SPOCK1: variants seen among roughly 807,000 people sequenced by gnomAD.
The protein encoded by SPOCK1 is SPARC (osteonectin), cwcv and kazal like domains proteoglycan 1, also known as testican-1.
SPOCK1 carries 23 observed loss-of-function variants against 55.3 expected under a neutral mutation model. That is an observed-to-expected ratio of 0.42 (90% CI 0.30 to 0.59). The LOEUF (loss-of-function observed/expected upper bound fraction) is 0.59. Ranked by LOEUF, SPOCK1 falls within the 20% of genes least tolerant of loss-of-function variation. SPOCK1 has a pLI of 0.22. For synonymous variants in SPOCK1, 226 were observed against 221.0 expected (o/e 1.02, Z -0.20); for missense variants, 499 against 552.5 (o/e 0.90, Z 0.97).
At chr5:137,021,921 A>C (rs756217376) in intron 6 of SPOCK1, among the ~76,000 whole-genome samples, 6 of 152,240 alleles carry the variant, frequency 3.9e-5, no homozygotes, top group Non-Finnish European at 7.3e-5. Flanking sequence ...TGCTTGATGC[A>C]GAAGTTTTAG....
intron 2 of SPOCK1, among the ~76,000 whole-genome samples, chr5:137,412,032 G>A (rs1223922311): frequency 2.6e-5 from 4 of 152,254 alleles, no homozygotes; most frequent in East Asian, 1.9e-4. Flanking sequence ...CAGAGCCCTC[G>A]GACTCCAGAT....
chr5:136,990,554 C>CT lies in SPOCK1; in HGVS notation c.707-1912dup, dbSNP rs1346340300. ...CACATTTTAAAATACCCACCCCCCTCTTTTTTTTTTTCCAGAAGAGAGGCT... is the reference window on the plus strand; with the variant it reads ...CACATTTTAAAATACCCACCCCCCTCTTTTTTTTTTTTCCAGAAGAGAGGCT... On this transcript the variant is annotated intron_variant, in intron 7 of 10. Transcript: ENST00000394945. Among the ~76,000 whole-genome samples, 566 of 146,012 alleles carry CT rather than the reference C, an allele frequency of 3.9e-3. 3 individuals are homozygous for CT. Among genetic ancestry groups the CT allele is most frequent in the African/African-American group, 0.011 (449 of 40,224 alleles).
chr5:137,335,756 G>T (rs961604035), intron 2 of SPOCK1, among the ~76,000 whole-genome samples: 5 of 152,198 alleles, frequency 3.3e-5, no homozygotes, highest in African/African-American at 4.8e-5. Context: ...TAATTAACTT[G>T]CATATTGCAT....
At chr5:137,079,091 G>A (rs1435489236) in intron 5 of SPOCK1, among the ~76,000 whole-genome samples, 1 of 152,118 alleles carries the variant, frequency 6.6e-6, no homozygotes, top group Non-Finnish European at 1.5e-5. Context: ...GCTTTGCTTT[G>A]TCTACAGCTC....
At chr5:137,033,981 C>T (rs1751832193) in intron 6 of SPOCK1, among the ~76,000 whole-genome samples, 1 of 152,192 alleles carries the variant, frequency 6.6e-6, no homozygotes, top group Admixed American at 6.5e-5. Flanking sequence ...TCCATGTCTC[C>T]CACTAAACTG....
intron 2 of SPOCK1, among the ~76,000 whole-genome samples, chr5:137,319,322 G>A (rs1190572158): frequency 6.6e-6 from 1 of 152,158 alleles, no homozygotes; most frequent in Non-Finnish European, 1.5e-5. Context: ...TGATTTACAA[G>A]CAATGCTCCA....
At chr5:137,377,942 C>CTTTTTTTTT (rs3043282) in intron 2 of SPOCK1, among the ~76,000 whole-genome samples, 1 of 104,618 alleles carries the variant, frequency 9.6e-6, no homozygotes, top group Non-Finnish European at 1.8e-5. Context: ...TCACTTCTTC[C>CTTTTTTTTT]TTTTTTTTTT....
At position 137,217,944 on chromosome 5, in the gene SPOCK1, G is replaced by C. The variant is rs141222288; in HGVS notation, c.232+49066C>G. ...ACTATCTTACTTACCCAACCTTACC[G>C]CATCTATATTTCTACATAGGTATAG... On this transcript the variant is annotated intron_variant, in intron 3 of 10. Transcript: ENST00000394945. 3.6e-3 allele frequency among the ~76,000 whole-genome samples: 542 copies of C among 150,382 alleles called. 5 individuals are homozygous for C. Among genetic ancestry groups the C allele is most frequent in the African/African-American group, 0.012 (497 of 39,826 alleles).
chr5:137,221,351 T>C (rs2127087786), intron 3 of SPOCK1, among the ~76,000 whole-genome samples: 1 of 152,278 alleles, frequency 6.6e-6, no homozygotes, highest in East Asian at 1.9e-4. Flanking sequence ...AAAAAAGCAC[T>C]CGAAGAGACA....
At chr5:137,155,054 T>C (rs561548473) in intron 3 of SPOCK1, among the ~76,000 whole-genome samples, 27 of 152,304 alleles carry the variant, frequency 1.8e-4, no homozygotes, top group African/African-American at 6.0e-4. Flanking sequence ...CTCCCTGATA[T>C]GGTGGTCAGG....
intron 6 of SPOCK1, among the ~76,000 whole-genome samples, chr5:137,003,025 T>C (rs1472932188): frequency 1.3e-5 from 2 of 152,160 alleles, no homozygotes; most frequent in African/African-American, 4.8e-5. Flanking sequence ...TTAGAAATAA[T>C]GAGGAGCCCA....
chr5:136,986,026 A>G (rs1750834591), intron 8 of SPOCK1, among the ~76,000 whole-genome samples: 2 of 152,102 alleles, frequency 1.3e-5, no homozygotes, highest in African/African-American at 4.8e-5. Flanking sequence ...ACTTGCATAT[A>G]AAGTATCTAA....
chr5:137,340,240 A>G (rs902697647), intron 2 of SPOCK1, among the ~76,000 whole-genome samples: 1 of 152,182 alleles, frequency 6.6e-6, no homozygotes, highest in Non-Finnish European at 1.5e-5. Context: ...GCCCTCTTCC[A>G]CTGCACAGGT....
At position 137,498,354 on chromosome 5, in the gene SPOCK1, G is replaced by A. The variant is rs946542444; in HGVS notation, c.186+19C>T. The A allele has an allele frequency of 2.6e-6, 4 of 1,565,404 alleles. No individual in the cohort carries two copies. Among genetic ancestry groups the A allele is most frequent in the Non-Finnish European group, 3.5e-6 (4 of 1,156,588 alleles). ...GAGAGGCTCCGCGCCCCCCAGGGCCGGGTGGCGCCGGTACTCACGTCTCGA... is the reference window on the plus strand; with the variant it reads ...GAGAGGCTCCGCGCCCCCCAGGGCCAGGTGGCGCCGGTACTCACGTCTCGA... On this transcript the variant is annotated intron_variant, in intron 2 of 10. Coordinates refer to ENST00000394945, the MANE Select transcript of SPOCK1 (RefSeq NM_004598.4).
rs540464097 is a variant in SPOCK1, at chr5:137,026,817, A to C, written c.590-34217T>G. ...ACATTCACAGGAAACAAAAAGGAAC[A>C]GCAGGCTGGATGGCTTGGTGGACTT... On this transcript the variant is annotated intron_variant, in intron 6 of 10. Transcript: ENST00000394945. Among the ~76,000 whole-genome samples, 4 of 152,336 alleles carry C rather than the reference A, an allele frequency of 2.6e-5. No homozygotes were observed. In the South Asian group the frequency reaches 8.3e-4, roughly 32 times the overall value.
At chr5:137,146,596 G>A (rs1029930974) in intron 3 of SPOCK1, among the ~76,000 whole-genome samples, 1 of 152,168 alleles carries the variant, frequency 6.6e-6, no homozygotes, top group African/African-American at 2.4e-5. Flanking sequence ...CTATGAGCAG[G>A]AACATTTATT....
chr5:137,066,217 C>T (rs1333606386), intron 6 of SPOCK1, among the ~76,000 whole-genome samples: 1 of 152,212 alleles, frequency 6.6e-6, no homozygotes, highest in Non-Finnish European at 1.5e-5. Flanking sequence ...TGACTCACTG[C>T]AACCTCCACC....
At chr5:137,004,010 A>G (rs1022962703) in intron 6 of SPOCK1, among the ~76,000 whole-genome samples, 1 of 152,106 alleles carries the variant, frequency 6.6e-6, no homozygotes, top group Admixed American at 6.6e-5. Flanking sequence ...AATTCCCCCC[A>G]CTACTCCACC....
At chr5:137,115,494 T>G (rs767850483) in intron 4 of SPOCK1, among the ~76,000 whole-genome samples, 56 of 152,162 alleles carry the variant, frequency 3.7e-4, no homozygotes, top group Admixed American at 1.5e-3. Context: ...TAAATAATAG[T>G]CTTCTGAAAC....
Sources: gnomAD v4.1 joint callset for allele counts (sites outside exome capture counted in the v4.1 genomes callset) on GRCh38, gnomAD v4.1.1 for gene constraint, MANE v1.5 for transcripts, NCBI Gene and HGNC (gene_info 2026-07-23, HGNC 2026-07-21) for gene names.